SNX29: variants seen among roughly 807,000 people sequenced by gnomAD.
The protein encoded by SNX29 is sorting nexin-29.
Under a neutral mutation model 102.1 loss-of-function variants are expected in SNX29, and 78 were observed. That is an observed-to-expected ratio of 0.76 (90% CI 0.64 to 0.92). The LOEUF (loss-of-function observed/expected upper bound fraction) is 0.92, where lower values mean the gene tolerates loss of function less well. Ranked by LOEUF, SNX29 falls within the 40% of genes least tolerant of loss-of-function variation. The pLI is 0.00. For missense variants in SNX29, 1,280 were observed against 1,061.7 expected (o/e 1.21, Z -2.86); for synonymous variants, 580 against 414.5 (o/e 1.40, Z -4.85).
At chr16:12,212,886 G>C (rs927235096) in intron 14 of SNX29, among the ~76,000 whole-genome samples, 8 of 152,338 alleles carry the variant, frequency 5.3e-5, no homozygotes, top group Non-Finnish European at 8.8e-5. Context: ...GGCCGAGGTG[G>C]TTGAATCACC....
chr16:12,029,571 G>T (rs148696061), intron 4 of SNX29: 5 of 448,808 alleles, frequency 1.1e-5, no homozygotes, highest in African/African-American at 8.2e-5. Context: ...TGATGCATTT[G>T]ATGGCATGAC....
At chr16:12,244,492 C>T (rs1373836751) in intron 14 of SNX29, among the ~76,000 whole-genome samples, 3 of 151,966 alleles carry the variant, frequency 2.0e-5, no homozygotes, top group African/African-American at 7.3e-5. Flanking sequence ...GCCTGTAATC[C>T]CAGCTGCTCT....
chr16:12,463,828 G>GTGTT (rs1445957412), intron 18 of SNX29, among the ~76,000 whole-genome samples: 2 of 150,710 alleles, frequency 1.3e-5, no homozygotes, highest in South Asian at 2.1e-4. Flanking sequence ...GTGTGTGTGT[G>GTGTT]TGTGTGTGTG....
chr16:12,390,472 T>C (rs2083491523), intron 16 of SNX29, among the ~76,000 whole-genome samples: 1 of 152,098 alleles, frequency 6.6e-6, no homozygotes, highest in Non-Finnish European at 1.5e-5. Flanking sequence ...TCCTGGTGGA[T>C]TGTATGCTCT....
chr16:12,432,615 G>A (rs924962832), intron 18 of SNX29, among the ~76,000 whole-genome samples: 4 of 152,238 alleles, frequency 2.6e-5, no homozygotes, highest in African/African-American at 7.2e-5. Flanking sequence ...CACACGTGCC[G>A]CGCGTCACCT....
chr16:12,258,686 A>G (rs2078645561), intron 14 of SNX29, among the ~76,000 whole-genome samples: 2 of 152,178 alleles, frequency 1.3e-5, no homozygotes. Context: ...TCAGAATTCC[A>G]GAGCCTTCTT....
chr16:12,539,369 C>T (rs963579057), intron 20 of SNX29, among the ~76,000 whole-genome samples: 1 of 152,050 alleles, frequency 6.6e-6, no homozygotes, highest in Non-Finnish European at 1.5e-5. Flanking sequence ...TAAGCAACCT[C>T]TTGAGGCTGG....
intron 16 of SNX29, among the ~76,000 whole-genome samples, chr16:12,383,992 T>G (rs115872230): frequency 2.2e-3 from 338 of 152,328 alleles, no homozygotes; most frequent in African/African-American, 7.3e-3. Flanking sequence ...CTGTGCTTGT[T>G]GTATTTCACT....
chr16:12,554,582 A>G (rs1252021302), intron 20 of SNX29, among the ~76,000 whole-genome samples: 1 of 152,110 alleles, frequency 6.6e-6, no homozygotes, highest in Non-Finnish European at 1.5e-5. Flanking sequence ...TGACACCAAG[A>G]CTTGGAGCTC....
rs2079162790 is a variant in SNX29, at chr16:12,570,427, TAAA to T, written c.*1799_*1801del. On this transcript the variant is annotated 3_prime_UTR_variant, in exon 21 of 21. Transcript: ENST00000566228. Reference sequence around the variant, plus strand: ...CATCAGCTCACATGACTGGCAACTCTAAATAGAGAGCCCTAATGGACTGAGGCA... The same window carrying T: ...CATCAGCTCACATGACTGGCAACTCTTAGAGAGCCCTAATGGACTGAGGCA... 2 of 250,240 alleles carry T rather than the reference TAAA, an allele frequency of 8.0e-6. No homozygotes were observed. The highest frequency in any genetic ancestry group is 1.5e-5 in the Non-Finnish European group (2 of 133,928). 15.5% of individuals were successfully genotyped at this position (250,240 alleles called of 1,614,324 possible).
chr16:12,270,660 A>G (rs1469767131), intron 14 of SNX29, among the ~76,000 whole-genome samples: 1 of 151,868 alleles, frequency 6.6e-6, no homozygotes, highest in African/African-American at 2.4e-5. Context: ...TCTTATTTAT[A>G]TTTATATTTT....
At chr16:12,050,923 G>A (rs1257841651) in intron 7 of SNX29, among the ~76,000 whole-genome samples, 2 of 150,896 alleles carry the variant, frequency 1.3e-5, no homozygotes, top group Non-Finnish European at 2.9e-5. Context: ...GTTTCACCAT[G>A]TTTGCCAGGC....
At chr16:12,192,013 T>C (rs561889252) in intron 13 of SNX29, among the ~76,000 whole-genome samples, 1 of 152,282 alleles carries the variant, frequency 6.6e-6, no homozygotes, top group East Asian at 1.9e-4. Flanking sequence ...TGTATCTTAG[T>C]GTGGTGTTTT....
At chr16:12,131,771 T>G (rs2054477496) in intron 13 of SNX29, among the ~76,000 whole-genome samples, 1 of 152,244 alleles carries the variant, frequency 6.6e-6, no homozygotes, top group South Asian at 2.1e-4. Context: ...CTCTCTGTGC[T>G]GTTAGATGCT....
chr16:12,278,633 T>A (rs2079332220), intron 15 of SNX29, among the ~76,000 whole-genome samples: 1 of 151,844 alleles, frequency 6.6e-6, no homozygotes, highest in African/African-American at 2.4e-5. Flanking sequence ...CCTGAGAGGG[T>A]TTTTATACGT....
At chr16:12,321,512 G>A (rs769903185) in intron 15 of SNX29, among the ~76,000 whole-genome samples, 9 of 152,246 alleles carry the variant, frequency 5.9e-5, no homozygotes, top group Admixed American at 3.3e-4. Context: ...TCTTTCTTCC[G>A]TGGAACATTG....
chr16:12,245,379 A>G (rs754735150), intron 14 of SNX29, among the ~76,000 whole-genome samples: 4 of 152,042 alleles, frequency 2.6e-5, no homozygotes, highest in Non-Finnish European at 4.4e-5. Context: ...TAAAGCGCTC[A>G]GTAACTGTGA....
rs1360342993 is a variant in SNX29, at chr16:12,552,598, A to G, written c.2319-15908A>G. On this transcript the variant is annotated intron_variant, in intron 20 of 20. Coordinates refer to ENST00000566228, the MANE Select transcript of SNX29 (RefSeq NM_032167.5). ...CTGCCCTCATGGAGTTTATATTCTC[A>G]TGGGGATGACTAAAAAAGCAAAAAC... Among the ~76,000 whole-genome samples the G allele has an allele frequency of 2.0e-5, 3 of 152,286 alleles. No homozygotes were observed. In the East Asian group the frequency reaches 5.8e-4, roughly 29 times the overall value.
At position 12,535,332 on chromosome 16, in the gene SNX29, T is replaced by C. The variant is rs187031357; in HGVS notation, c.2318+10491T>C. ...TTTTGTATTTTTAGTAGAGATGAGGTTTCGTGTTGGCCAGGCTGGTCTCGA... is the reference window on the plus strand; with the variant it reads ...TTTTGTATTTTTAGTAGAGATGAGGCTTCGTGTTGGCCAGGCTGGTCTCGA... On this transcript the variant is annotated intron_variant, in intron 20 of 20. Transcript: ENST00000566228. Among the ~76,000 whole-genome samples, 608 of 152,156 alleles carry C rather than the reference T, an allele frequency of 4.0e-3. 5 individuals are homozygous for C. Among genetic ancestry groups the C allele is most frequent in the Middle Eastern group, 0.017 (5 of 294 alleles).
Sources: allele counts gnomAD v4.1 joint callset (sites outside exome capture counted in the v4.1 genomes callset), GRCh38; gene constraint gnomAD v4.1.1; transcripts MANE v1.5; gene names NCBI Gene and HGNC (gene_info 2026-07-23, HGNC 2026-07-21).